The following TFAP2E variants were observed in gnomAD, a reference collection of about 807,000 sequenced individuals.
TFAP2E encodes transcription factor AP-2 epsilon.
TFAP2E carries 30 observed loss-of-function variants against 37.9 expected under a neutral mutation model. That is an observed-to-expected ratio of 0.79 (90% CI 0.59 to 1.07). TFAP2E has a LOEUF of 1.07. Among genes scored for constraint, TFAP2E ranks in the 50% least tolerant of loss-of-function variants. The probability of loss-of-function intolerance (pLI) is 0.00; values close to 1 mark genes in which losing one functional copy is unlikely to be tolerated. For synonymous variants in TFAP2E, 318 were observed against 295.8 expected, an observed-to-expected ratio of 1.08 and a Z score of -0.77; for missense variants, 567 against 637.9, an observed-to-expected ratio of 0.89 and a Z score of 1.20.
chr1:35,578,877 G>A (rs1464391095), intron 3 of TFAP2E, among the ~76,000 whole-genome samples: 1 of 151,630 alleles, frequency 6.6e-6, no homozygotes, highest in Non-Finnish European at 1.5e-5. Flanking sequence ...GAGGTCAAGA[G>A]TTCGAGACCA....
chr1:35,591,009 C>T (rs1017587663), intron 6 of TFAP2E, among the ~76,000 whole-genome samples: 3 of 152,062 alleles, frequency 2.0e-5, no homozygotes, highest in African/African-American at 4.8e-5. Flanking sequence ...GGCACACACA[C>T]GTACGTGCGC....
chr1:35,586,493 G>A (rs1649484668), intron 3 of TFAP2E, among the ~76,000 whole-genome samples: 1 of 152,170 alleles, frequency 6.6e-6, no homozygotes, highest in Admixed American at 6.5e-5. Flanking sequence ...CTGGACTGGG[G>A]CAGGGTGACC....
At chr1:35,592,759 T>C (rs1157133562) in intron 6 of TFAP2E, among the ~76,000 whole-genome samples, 1 of 152,178 alleles carries the variant, frequency 6.6e-6, no homozygotes, top group Non-Finnish European at 1.5e-5. Context: ...AGATTCCGTG[T>C]CAGGTGAGGG....
At chr1:35,579,973 G>A (rs1175530275) in intron 3 of TFAP2E, among the ~76,000 whole-genome samples, 1 of 152,020 alleles carries the variant, frequency 6.6e-6, no homozygotes, top group Non-Finnish European at 1.5e-5. Flanking sequence ...TTGGGAGGCC[G>A]AGGCAGGTGG....
rs112459861 is a variant in TFAP2E, at chr1:35,578,493, A to G, written c.562+3493A>G. 1.9e-3 allele frequency among the ~76,000 whole-genome samples: 281 copies of G among 150,668 alleles called. 1 individual carries two copies. Among genetic ancestry groups the G allele is most frequent in the African/African-American group, 6.5e-3 (267 of 41,080 alleles). ...GGTTATACAATCAGAGCTGGAGGGG[A>G]GTGGTCAAGGATGAGAACTGAGATG... On this transcript the variant is annotated intron_variant, in intron 3 of 6. Coordinates refer to ENST00000373235, the MANE Select transcript of TFAP2E (RefSeq NM_178548.4).
chr1:35,582,508 CT>C (rs749452012), intron 3 of TFAP2E, among the ~76,000 whole-genome samples: 1,645 of 129,654 alleles, frequency 0.013, 11 homozygotes, highest in African/African-American at 0.032. Flanking sequence ...TAAAAATTAT[CT>C]TTTTTTTTTT....
chr1:35,574,504 T>C (rs1192143754), intron 2 of TFAP2E, 95 bp downstream of exon 2: 19 of 1,329,150 alleles, frequency 1.4e-5, no homozygotes, highest in Non-Finnish European at 1.7e-5. Flanking sequence ...GAAGCCGACT[T>C]TTCTCCCAGC....
chr1:35,582,661 C>A (rs1273389958), intron 3 of TFAP2E, among the ~76,000 whole-genome samples: 1 of 149,172 alleles, frequency 6.7e-6, no homozygotes, highest in East Asian at 2.0e-4. Flanking sequence ...AATTAAAAAA[C>A]TTTTTAGAGA....
chr1:35,594,846 CCT>C lies in TFAP2E; in HGVS notation c.*175_*176del. The C allele has an allele frequency of 1.0e-6, 1 of 982,512 alleles. No individual in the cohort carries two copies. The highest frequency in any genetic ancestry group is 1.6e-5 in the South Asian group (1 of 61,606). 60.9% of individuals were successfully genotyped at this position (982,512 alleles called of 1,614,324 possible). On this transcript the variant is annotated 3_prime_UTR_variant, in exon 7 of 7. Transcript: ENST00000373235. ...TCTGGCTTGGAGTAAGGGAGGGTGG[CCT>C]CTCTGTGGTGGTGTGTTGGTAAGTT...
At chr1:35,582,813 CCA>C (rs1358001798) in intron 3 of TFAP2E, among the ~76,000 whole-genome samples, 3 of 152,042 alleles carry the variant, frequency 2.0e-5, no homozygotes, top group African/African-American at 4.8e-5. Flanking sequence ...TCTCATGCTA[CCA>C]TACCATGCTA....
At chr1:35,586,404 CAG>C (rs1221718773) in intron 3 of TFAP2E, among the ~76,000 whole-genome samples, 1 of 152,160 alleles carries the variant, frequency 6.6e-6, no homozygotes, top group Non-Finnish European at 1.5e-5. Flanking sequence ...ATTTGATTCT[CAG>C]GGAACTGACC....
At chr1:35,584,920 C>T (rs1649443893) in intron 3 of TFAP2E, among the ~76,000 whole-genome samples, 1 of 152,098 alleles carries the variant, frequency 6.6e-6, no homozygotes, top group Non-Finnish European at 1.5e-5. Flanking sequence ...TTCCCAGAGC[C>T]CTTGCATCAT....
intron 3 of TFAP2E, among the ~76,000 whole-genome samples, chr1:35,578,428 GAAAAAA>G (rs58170344): frequency 4.5e-5 from 6 of 132,288 alleles, no homozygotes; most frequent in African/African-American, 1.7e-4. Flanking sequence ...CTCCGTCTCG[GAAAAAA>G]AAAAAAAAAG....
intron 3 of TFAP2E, 139 bp downstream of exon 3, chr1:35,575,139 A>T (rs531174015): frequency 1.8e-6 from 2 of 1,140,054 alleles, no homozygotes; most frequent in Middle Eastern, 2.0e-4. Context: ...GCCCAGCCAG[A>T]TGTTAGGCAG....
In TFAP2E at chr1:35,574,018, A is replaced by G. The variant is rs1649089335; in HGVS notation, c.119A>G (p.His40Arg). The change falls in exon 2 of 7, where the codon CAC becomes CGC. Residue 40 changes from histidine to arginine, a missense_variant. His to Arg is a conservative substitution (Grantham distance 29, BLOSUM62 0). This residue lies in a region of TFAP2E where 312 missense variants were observed against 317.4 expected (regional missense o/e 0.98). Transcript: ENST00000373235. ...TACGGGCCGGCGCCCCCGCTCTGCC[A>G]CACGCCGGCCGCCACAGCTGCCGCC... ...AAYGPAPPLC[H>R]TPAATAAAEF... 2.7e-6 allele frequency: 4 copies of G among 1,487,042 alleles called. No individual in the cohort carries two copies. Among genetic ancestry groups the G allele is most frequent in the Non-Finnish European group, 3.6e-6 (4 of 1,125,318 alleles). 92.1% of individuals were successfully genotyped at this position (1,487,042 alleles called of 1,614,324 possible).
At chr1:35,592,179 G>A (rs998822123) in intron 6 of TFAP2E, among the ~76,000 whole-genome samples, 7 of 152,014 alleles carry the variant, frequency 4.6e-5, no homozygotes, top group African/African-American at 1.7e-4. Context: ...CAGCTACTTG[G>A]GAGGCTGAGG....
chr1:35,588,372 T>C lies in TFAP2E; in HGVS notation c.605T>C (p.Leu202Ser). ...SKASSLSALS[L>S]AKDSLVGGIT... ...GCCAGCAGCCTCTCAGCCCTCTCCT[T>C]GGCCAAAGACAGCCTGGTGGGCGGC... Residue 202 changes from leucine to serine, a missense_variant, in exon 4 of 7, where the codon TTG becomes TCG. Around this residue, in one of 3 missense-constraint regions of TFAP2E, gnomAD observed 312 missense variants for 317.4 expected, o/e 0.98. Coordinates refer to ENST00000373235, the MANE Select transcript of TFAP2E (RefSeq NM_178548.4). The surrounding 1 kb of genome is among the most constrained non-coding windows in gnomAD (Gnocchi z 5.1). 1 of 1,613,638 alleles carries C rather than the reference T, an allele frequency of 6.2e-7. No homozygotes were observed.
rs1050002371 is a variant in TFAP2E at position 35,594,878 on chromosome 1, G to C, written c.*202G>C. 8 of 696,928 alleles carry C rather than the reference G, an allele frequency of 1.1e-5. No homozygotes were observed. In the Admixed American group the frequency reaches 2.4e-4, roughly 20 times the overall value. The allele number at this position is 696,928 out of a possible 1,614,324, so 43.2% of individuals were successfully genotyped here. On this transcript the variant is annotated 3_prime_UTR_variant, in exon 7 of 7. Transcript: ENST00000373235. ...GTGGTGGTGTGTTGGTAAGTTAAGG[G>C]CCCAGGTATTTGTCTCATGTGTGCA...
Position 35,588,247 on chromosome 1 carries a change from T to G in TFAP2E, c.563-83T>G, listed in dbSNP as rs1649546215. On this transcript the variant is annotated intron_variant, in intron 3 of 6. Transcript: ENST00000373235. The surrounding 1 kb of genome is among the most constrained non-coding windows in gnomAD (Gnocchi z 5.1). ...CCTCACTGTGGCTCAGTTTCTCCCT[T>G]CATAAAGCAAGGATACCAGACCCTC... is the stretch of plus-strand genomic sequence containing the variant. 7.1e-7 allele frequency: 1 copy of G among 1,399,214 alleles called. No homozygotes were observed. Among genetic ancestry groups the G allele is most frequent in the South Asian group, 1.4e-5 (1 of 73,316 alleles). 86.7% of individuals were successfully genotyped at this position (1,399,214 alleles called of 1,614,324 possible).
Sources: gnomAD v4.1 joint callset for allele counts (sites outside exome capture counted in the v4.1 genomes callset) on GRCh38, gnomAD v4.1.1 for gene constraint, gnomAD v4.1.1 regional missense constraint, Gnocchi (gnomAD v3.1) non-coding constraint, MANE v1.5 for transcripts, NCBI Gene and HGNC (gene_info 2026-07-23, HGNC 2026-07-21) for gene names.